The following NME7 variants were observed in gnomAD, a reference collection of about 807,000 sequenced individuals.
The protein encoded by NME7 is NME/NM23 family member 7.
Under a neutral mutation model 49.1 loss-of-function variants are expected in NME7, and 41 were observed. The observed-to-expected ratio is 0.83, with a 90% CI of 0.65 to 1.08. The LOEUF (loss-of-function observed/expected upper bound fraction) is 1.08. NME7 is among the 50% of genes least tolerant of loss of function. The probability of loss-of-function intolerance (pLI) is 0.00; values close to 1 mark genes in which losing one functional copy is unlikely to be tolerated. For missense variants in NME7, 423 were observed against 463.4 expected (o/e 0.91, Z 0.80); for synonymous variants, 139 against 150.6 (o/e 0.92, Z 0.56).
intron 6 of NME7, among the ~76,000 whole-genome samples, chr1:169,297,887 G>T (rs545679269): frequency 1.3e-5 from 2 of 152,270 alleles, no homozygotes; most frequent in African/African-American, 4.8e-5. Flanking sequence ...CAGATTCAGG[G>T]TTTATTTTGA....
rs1467784508 is a variant in NME7, at chr1:169,132,835, A to ATAAT, written c.1099-22_1099-19dup. On this transcript the variant is annotated intron_variant, in intron 11 of 11. Transcript: ENST00000367811. ...TATTGAACCTGAAACGGAGAAACACATAATTTCTTAGTTCAGACAAATTTT... is the reference window on the plus strand; with the variant it reads ...TATTGAACCTGAAACGGAGAAACACATAATTAATTTCTTAGTTCAGACAAATTTT... 3 of 1,612,254 alleles carry ATAAT rather than the reference A, an allele frequency of 1.9e-6. No individual in the cohort carries two copies. Among genetic ancestry groups the ATAAT allele is most frequent in the East Asian group, 4.5e-5 (2 of 44,748 alleles).
At chr1:169,203,470 T>C (rs1448076826) in intron 10 of NME7, among the ~76,000 whole-genome samples, 1 of 152,170 alleles carries the variant, frequency 6.6e-6, no homozygotes, top group Non-Finnish European at 1.5e-5. Context: ...GAGAGACTGC[T>C]ACACTGTGGT....
At chr1:169,186,584 T>C (rs1191546327) in intron 10 of NME7, among the ~76,000 whole-genome samples, 1 of 152,212 alleles carries the variant, frequency 6.6e-6, no homozygotes, top group Non-Finnish European at 1.5e-5. Flanking sequence ...GATGGTAGTT[T>C]GTATTTCTGT....
At chr1:169,296,397 T>C (rs185029143) in intron 6 of NME7, among the ~76,000 whole-genome samples, 2 of 152,282 alleles carry the variant, frequency 1.3e-5, no homozygotes, top group East Asian at 3.9e-4. Context: ...CTCCAGGACA[T>C]AATTATCTCT....
intron 7 of NME7, among the ~76,000 whole-genome samples, chr1:169,252,961 G>C (rs1335093712): frequency 7.4e-5 from 11 of 149,368 alleles, no homozygotes; most frequent in African/African-American, 2.5e-4. Flanking sequence ...TTTGGTTACT[G>C]TAGCCTTGTA....
At chr1:169,140,533 C>T (rs986163725) in intron 11 of NME7, among the ~76,000 whole-genome samples, 4 of 151,976 alleles carry the variant, frequency 2.6e-5, no homozygotes, top group Non-Finnish European at 5.9e-5. Context: ...CCCATGTTCC[C>T]ACTCTGAAAC....
chr1:169,269,436 T>C lies in NME7; in HGVS notation c.754+17867A>G, dbSNP rs796529556. 8.9e-5 allele frequency among the ~76,000 whole-genome samples: 12 copies of C among 134,310 alleles called. 3 individuals carry two copies. Among genetic ancestry groups the C allele is most frequent in the African/African-American group, 3.0e-4 (12 of 39,736 alleles). The allele number at this position is 134,310 out of a possible 152,430, so 88.1% of individuals were successfully genotyped here. The stretch of plus-strand genomic sequence containing the variant: ...ATTTTTGTTAAAACTGAGTTAAATA[T>C]ACGATGTTTAGCTCTCTTTATACCA... On this transcript the variant is annotated intron_variant, in intron 7 of 11. Transcript: ENST00000367811.
chr1:169,311,398 G>T (rs1314461858), intron 3 of NME7, among the ~76,000 whole-genome samples: 1 of 127,544 alleles, frequency 7.8e-6, no homozygotes, highest in Non-Finnish European at 1.6e-5. Flanking sequence ...CAGCCTGGGC[G>T]ACAGCGAGAC....
At chr1:169,291,701 T>C (rs1405293317) in intron 6 of NME7, among the ~76,000 whole-genome samples, 3 of 151,942 alleles carry the variant, frequency 2.0e-5, no homozygotes, top group African/African-American at 7.2e-5. Flanking sequence ...CTTCAACCTT[T>C]GGCAAAAACA....
chr1:169,332,619 T>C (rs1195616416), intron 1 of NME7, among the ~76,000 whole-genome samples: 3 of 152,052 alleles, frequency 2.0e-5, no homozygotes, highest in African/African-American at 7.2e-5. Flanking sequence ...CAAACAACTC[T>C]ACAGGAAGAA....
At chr1:169,302,897 T>G (rs1651003215) in intron 5 of NME7, among the ~76,000 whole-genome samples, 1 of 152,212 alleles carries the variant, frequency 6.6e-6, no homozygotes, top group Non-Finnish European at 1.5e-5. Flanking sequence ...AAGTTATCCT[T>G]CTTGTAATGT....
At position 169,149,362 on chromosome 1, in the gene NME7, T is replaced by TA. The variant is rs561824015; in HGVS notation, c.1099-16546dup. ...TCTCAAAAATAATAAAAAAATAAAA[T>TA]AAATAATATTTAACTAAGAGAAGTT... is the stretch of plus-strand genomic sequence containing the variant. On this transcript the variant is annotated intron_variant, in intron 11 of 11. Transcript: ENST00000367811. 6.6e-5 allele frequency among the ~76,000 whole-genome samples: 10 copies of TA among 151,978 alleles called. No homozygotes were observed. In the East Asian group the frequency reaches 1.9e-3, roughly 29 times the overall value.
Position 169,213,255 on chromosome 1 carries a change from A to T in NME7, c.990+17463T>A, listed in dbSNP as rs74584337. ...TTTGTTGTGACCACAGGCTCACAGGAACCTAACTCTGTATTTCTCCTAGGA... is the reference window on the plus strand; with the variant it reads ...TTTGTTGTGACCACAGGCTCACAGGTACCTAACTCTGTATTTCTCCTAGGA... On this transcript the variant is annotated intron_variant, in intron 10 of 11. Coordinates refer to ENST00000367811, the MANE Select transcript of NME7 (RefSeq NM_013330.5). Among the ~76,000 whole-genome samples the T allele has an allele frequency of 5.8e-3, 877 of 152,270 alleles. 3 individuals are homozygous for T. Among genetic ancestry groups the T allele is most frequent in the Non-Finnish European group, 0.01 (696 of 68,016 alleles).
chr1:169,169,359 A>G, intron 11 of NME7, 88 bp downstream of exon 11: 2 of 1,198,216 alleles, frequency 1.7e-6, no homozygotes, highest in Non-Finnish European at 2.4e-6. Flanking sequence ...GTATAACAAT[A>G]AAACAAAAAG....
At chr1:169,329,898 T>C (rs1571394306) in intron 1 of NME7, among the ~76,000 whole-genome samples, 1 of 152,122 alleles carries the variant, frequency 6.6e-6, no homozygotes, top group South Asian at 2.1e-4. Flanking sequence ...CATTTAATAA[T>C]CTAACTCTCA....
intron 11 of NME7, among the ~76,000 whole-genome samples, chr1:169,150,322 T>G (rs1658877355): frequency 6.6e-6 from 1 of 152,202 alleles, no homozygotes; most frequent in Non-Finnish European, 1.5e-5. Flanking sequence ...CTAGTCTATC[T>G]GTATACTTGT....
intron 11 of NME7, among the ~76,000 whole-genome samples, chr1:169,134,978 C>A (rs959335518): frequency 2.8e-5 from 3 of 108,776 alleles, no homozygotes; most frequent in Non-Finnish European, 5.3e-5. Context: ...AGTTCAAGAT[C>A]AGCCTAGACA....
chr1:169,220,353 C>A (rs115220375), intron 10 of NME7, among the ~76,000 whole-genome samples: 3,737 of 152,100 alleles, frequency 0.025, 66 homozygotes, highest in Middle Eastern at 0.041. Flanking sequence ...AAGAGGTATA[C>A]AATTAAAAGG....
Position 169,210,809 on chromosome 1 carries a change from A to C in NME7, c.990+19909T>G, listed in dbSNP as rs1426414499. ...CCTCTAGAGAATCACACACTGAACA[A>C]TTATCAGCTACCCTGCCCCAGTCGT... On this transcript the variant is annotated intron_variant, in intron 10 of 11. Transcript: ENST00000367811. Among the ~76,000 whole-genome samples, 6 of 152,142 alleles carry C rather than the reference A, an allele frequency of 3.9e-5. No homozygotes were observed. The East Asian group carries it at 1.2e-3, about 29-fold the overall frequency.
Sources: allele counts gnomAD v4.1 joint callset (sites outside exome capture counted in the v4.1 genomes callset), GRCh38; gene constraint gnomAD v4.1.1; transcripts MANE v1.5; gene names NCBI Gene and HGNC (gene_info 2026-07-23, HGNC 2026-07-21).